Variants in ADAM10 observed in about 807,000 individuals in gnomAD.
ADAM10 encodes ADAM metallopeptidase domain 10.
ADAM10 carries 17 observed loss-of-function variants against 90.1 expected under a neutral mutation model. The ratio of observed to expected loss-of-function variants is 0.19; its 90% confidence interval spans 0.13 to 0.28. The LOEUF is 0.28. ADAM10 is among the 10% of genes least tolerant of loss of function. The probability of loss-of-function intolerance (pLI) is 1.00; values close to 1 mark genes in which losing one functional copy is unlikely to be tolerated. For synonymous variants in ADAM10, 310 were observed against 298.6 expected, an observed-to-expected ratio of 1.04 and a Z score of -0.40; for missense variants, 610 against 914.3, an observed-to-expected ratio of 0.67 and a Z score of 4.29.
chr15:58,715,170 C>T (rs1365707084), intron 2 of ADAM10, among the ~76,000 whole-genome samples: 1 of 151,924 alleles, frequency 6.6e-6, no homozygotes, highest in Non-Finnish European at 1.5e-5. Flanking sequence ...GCCTGTAATC[C>T]CAGCACTTTG....
intron 1 of ADAM10, among the ~76,000 whole-genome samples, chr15:58,726,245 C>A (rs542050477): frequency 1.2e-3 from 190 of 152,016 alleles, no homozygotes; most frequent in African/African-American, 4.3e-3. Context: ...ACTGAACAAC[C>A]TCTAAAAAAT....
intron 4 of ADAM10, among the ~76,000 whole-genome samples, chr15:58,673,276 C>T (rs1174008985): frequency 6.6e-6 from 1 of 151,650 alleles, no homozygotes; most frequent in Non-Finnish European, 1.5e-5. Context: ...CTTATTGGTG[C>T]ACAGCACAAA....
At chr15:58,731,091 G>C (rs1015138376) in intron 1 of ADAM10, among the ~76,000 whole-genome samples, 16 of 151,902 alleles carry the variant, frequency 1.1e-4, no homozygotes, top group African/African-American at 3.9e-4. Context: ...ATATCCTATT[G>C]GTTCTGTCTC....
chr15:58,633,053 T>C (rs1272482875), intron 9 of ADAM10, 143 bp downstream of exon 9: 9 of 778,194 alleles, frequency 1.2e-5, no homozygotes, highest in Admixed American at 2.5e-5. Context: ...CCTTTCAGTA[T>C]GGTCAAATAC....
At chr15:58,748,746 C>CA (rs1201030445) in intron 1 of ADAM10, 2 of 394,900 alleles carry the variant, frequency 5.1e-6, no homozygotes, top group Admixed American at 4.4e-5. Flanking sequence ...TTCTCCCGAC[C>CA]AAACCCTTTC....
intron 4 of ADAM10, among the ~76,000 whole-genome samples, chr15:58,665,667 A>G (rs563087884): frequency 2.0e-5 from 3 of 152,104 alleles, no homozygotes; most frequent in South Asian, 2.1e-4. Flanking sequence ...TTCACAAAAC[A>G]CAACTATCTA....
intron 1 of ADAM10, among the ~76,000 whole-genome samples, chr15:58,725,613 A>C (rs1899003952): frequency 6.6e-6 from 1 of 151,888 alleles, no homozygotes; most frequent in Non-Finnish European, 1.5e-5. Flanking sequence ...TAATGACTAA[A>C]AACTAGGGAG....
intron 1 of ADAM10, among the ~76,000 whole-genome samples, chr15:58,725,654 A>T (rs2140829211): frequency 6.6e-6 from 1 of 152,184 alleles, no homozygotes; most frequent in South Asian, 2.1e-4. Context: ...ATCTGTGGGT[A>T]GGGAAGCACT....
chr15:58,610,738 G>C, intron 13 of ADAM10: 1 of 648,812 alleles, frequency 1.5e-6, no homozygotes, highest in South Asian at 1.8e-5. Context: ...CAGTGTCCAC[G>C]ATGACTTAAA....
intron 2 of ADAM10, among the ~76,000 whole-genome samples, chr15:58,705,419 G>C (rs1898249882): frequency 6.6e-6 from 1 of 152,258 alleles, no homozygotes; most frequent in Admixed American, 6.5e-5. Context: ...GTAAAGAATG[G>C]AGTGAAGTTA....
In ADAM10 at chr15:58,600,763, A is replaced by G. The variant is rs150394075; in HGVS notation, c.2026-1039T>C. Among the ~76,000 whole-genome samples, 179 of 152,328 alleles carry G rather than the reference A, an allele frequency of 1.2e-3. 1 individual carries two copies. The highest frequency in any genetic ancestry group is 4.2e-3 in the African/African-American group (173 of 41,582). ...TATTCAAACTTTGTTTTAAGACCACATGTACTAATAAACATCATACAAAAT... is the reference window on the plus strand; with the variant it reads ...TATTCAAACTTTGTTTTAAGACCACGTGTACTAATAAACATCATACAAAAT... On this transcript the variant is annotated intron_variant, in intron 14 of 15. Transcript: ENST00000260408.
chr15:58,607,938 T>G (rs1895323487), intron 14 of ADAM10, among the ~76,000 whole-genome samples: 1 of 152,308 alleles, frequency 6.6e-6, no homozygotes, highest in Admixed American at 6.5e-5. Flanking sequence ...AAGGAGATGC[T>G]GAAATAAGGT....
chr15:58,687,953 C>T (rs1344116611), intron 2 of ADAM10, among the ~76,000 whole-genome samples: 1 of 152,110 alleles, frequency 6.6e-6, no homozygotes, highest in Non-Finnish European at 1.5e-5. Context: ...TCTGGTGATG[C>T]TACCATTGAG....
intron 12 of ADAM10, 41 bp from the exon 13 acceptor site, chr15:58,611,148 A>G (rs759256017): frequency 7.0e-7 from 1 of 1,427,280 alleles, no homozygotes; most frequent in Non-Finnish European, 9.9e-7. Context: ...ATCCCTATAC[A>G]GTCAAACCTA....
intron 2 of ADAM10, among the ~76,000 whole-genome samples, chr15:58,704,672 A>G (rs932633978): frequency 1.3e-5 from 2 of 152,240 alleles, no homozygotes; most frequent in African/African-American, 4.8e-5. Flanking sequence ...GGAAGATGGT[A>G]TGTGAAGATA....
In ADAM10 at chr15:58,597,459, A is replaced by C. The variant is rs1467187021; in HGVS notation, c.*88T>G. ...CTTCAACTGTTACTTGTGAGGGTTTAGTTTGGAGATGATGACTTAATAGGT... is the reference window on the plus strand; with the variant it reads ...CTTCAACTGTTACTTGTGAGGGTTTCGTTTGGAGATGATGACTTAATAGGT... On this transcript the variant is annotated 3_prime_UTR_variant, in exon 16 of 16. Coordinates refer to ENST00000260408, the MANE Select transcript of ADAM10 (RefSeq NM_001110.4). 20 of 1,603,124 alleles carry C rather than the reference A, an allele frequency of 1.2e-5. No individual in the cohort carries two copies. The highest frequency in any genetic ancestry group is 1.7e-5 in the Non-Finnish European group (20 of 1,174,160).
intron 2 of ADAM10, among the ~76,000 whole-genome samples, chr15:58,694,920 A>T (rs1211147619): frequency 2.0e-5 from 3 of 152,096 alleles, no homozygotes; most frequent in African/African-American, 7.2e-5. Context: ...GTAATGAGGG[A>T]ATTTTGTGAT....
chr15:58,598,259 T>A (rs1895010555), intron 15 of ADAM10, among the ~76,000 whole-genome samples: 1 of 152,222 alleles, frequency 6.6e-6, no homozygotes, highest in South Asian at 2.1e-4. Flanking sequence ...GCTATTCACT[T>A]AAAATGAAAC....
intron 1 of ADAM10, among the ~76,000 whole-genome samples, chr15:58,727,176 C>CTTT (rs779017607): frequency 2.6e-5 from 2 of 78,004 alleles, no homozygotes; most frequent in African/African-American, 5.4e-5. Context: ...CCTGACTAAT[C>CTTT]TTTTTTTTTT....
Sources: allele counts gnomAD v4.1 joint callset (sites outside exome capture counted in the v4.1 genomes callset), GRCh38; gene constraint gnomAD v4.1.1; transcripts MANE v1.5; gene names NCBI Gene and HGNC (gene_info 2026-07-23, HGNC 2026-07-21).